Variants in RRM1 observed in about 807,000 individuals in gnomAD.
RRM1 encodes ribonucleoside-diphosphate reductase large subunit.
RRM1 carries 19 observed loss-of-function variants against 101.5 expected under a neutral mutation model. That is an observed-to-expected ratio of 0.19 (90% CI 0.13 to 0.27). The LOEUF (loss-of-function observed/expected upper bound fraction) is 0.27. Among genes scored for constraint, RRM1 ranks in the 10% least tolerant of loss-of-function variants. The pLI is 1.00. For synonymous variants in RRM1, 298 were observed against 323.4 expected (o/e 0.92, Z 0.84); for missense variants, 500 against 962.9 (o/e 0.52, Z 6.36).
In RRM1 at chr11:4,111,643, G is replaced by T; in HGVS notation, c.487+3G>T. 1.2e-6 allele frequency: 2 copies of T among 1,601,636 alleles called. No individual in the cohort carries two copies. Among genetic ancestry groups the T allele is most frequent in the Non-Finnish European group, 1.7e-6 (2 of 1,171,810 alleles). ...TTTGTTGAAGATCAATGGAAAAGGTGAGAAATGAACATGTTTGTCTGTTAC... is the reference window on the plus strand; with the variant it reads ...TTTGTTGAAGATCAATGGAAAAGGTTAGAAATGAACATGTTTGTCTGTTAC... On this transcript the variant is annotated splice_donor_region_variant and intron_variant, in intron 6 of 18. Coordinates refer to ENST00000300738, the MANE Select transcript of RRM1 (RefSeq NM_001033.5).
intron 12 of RRM1, among the ~76,000 whole-genome samples, chr11:4,124,938 CAG>C (rs1016882021): frequency 6.9e-6 from 1 of 145,134 alleles, no homozygotes; most frequent in Non-Finnish European, 1.5e-5. Flanking sequence ...TTTTTTGAGA[CAG>C]AGTCTTGCTC....
chr11:4,120,354 CAT>C (rs1157827843), intron 9 of RRM1, among the ~76,000 whole-genome samples: 2 of 152,004 alleles, frequency 1.3e-5, no homozygotes, highest in African/African-American at 2.4e-5. Context: ...GGGGTTGTAA[CAT>C]GTGCTCTAGG....
intron 18 of RRM1, among the ~76,000 whole-genome samples, chr11:4,135,785 G>A (rs2094608595): frequency 6.6e-6 from 1 of 151,784 alleles, no homozygotes; most frequent in Non-Finnish European, 1.5e-5. Context: ...GTAAAGTCTG[G>A]TGATTTTGGA....
chr11:4,136,638 A>C (rs998495266), intron 18 of RRM1, among the ~76,000 whole-genome samples: 1 of 151,934 alleles, frequency 6.6e-6, no homozygotes, highest in Non-Finnish European at 1.5e-5. Context: ...GCTCACTGCA[A>C]CCTCAGCCTC....
intron 7 of RRM1, among the ~76,000 whole-genome samples, chr11:4,116,741 C>T (rs2094574126): frequency 2.0e-5 from 3 of 151,812 alleles, no homozygotes. Context: ...GAGGCCAAAG[C>T]AAAGGCTGGC....
At chr11:4,134,395 C>A (rs575685327) in intron 17 of RRM1, among the ~76,000 whole-genome samples, 1 of 152,276 alleles carries the variant, frequency 6.6e-6, no homozygotes, top group Admixed American at 6.5e-5. Context: ...TGGTTGACGA[C>A]TGATAGTCCA....
At position 4,126,676 on chromosome 11, in the gene RRM1, C is replaced by T. The variant is rs942615701; in HGVS notation, c.1321-8C>T. The T allele has an allele frequency of 2.3e-5, 36 of 1,597,282 alleles. No individual in the cohort carries two copies. The highest frequency in any genetic ancestry group is 4.1e-5 in the African/African-American group (3 of 74,004). ...TGTGTGATTCTTGACCTGTTTTTTG[C>T]ATTCCAGGTTGCTGTTTGTAATTTG... On this transcript the variant is annotated splice_region_variant and splice_polypyrimidine_tract_variant and intron_variant, in intron 12 of 18. Transcript: ENST00000300738.
chr11:4,138,480 C>A lies in RRM1; in HGVS notation c.*97C>A. 1 of 842,836 alleles carries A rather than the reference C, an allele frequency of 1.2e-6. No individual in the cohort carries two copies. Among genetic ancestry groups the A allele is most frequent in the Non-Finnish European group, 1.7e-6 (1 of 601,964 alleles). 52.2% of individuals were successfully genotyped at this position (842,836 alleles called of 1,614,324 possible). A position where few individuals can be genotyped will look rare whatever the true frequency, so the allele number is the denominator to read the frequency against. ...GTTTGCTTGAGGTGGTAAGGCTTTG[C>A]TGGACCCTGTTGCAGGCAAAAGGAG... On this transcript the variant is annotated 3_prime_UTR_variant, in exon 19 of 19. Coordinates refer to ENST00000300738, the MANE Select transcript of RRM1 (RefSeq NM_001033.5).
intron 12 of RRM1, among the ~76,000 whole-genome samples, chr11:4,126,408 G>T (rs2094589604): frequency 6.6e-6 from 1 of 152,192 alleles, no homozygotes; most frequent in Non-Finnish European, 1.5e-5. Flanking sequence ...TGTGATATAT[G>T]TCTGGTAATA....
intron 17 of RRM1, among the ~76,000 whole-genome samples, chr11:4,133,980 ATTTTT>A (rs34715101): frequency 6.6e-5 from 6 of 90,866 alleles, no homozygotes; most frequent in African/African-American, 9.0e-5. Context: ...CCAGACATCA[ATTTTT>A]TTTTTTTTTT....
At chr11:4,136,844 A>G (rs2094611286) in intron 18 of RRM1, among the ~76,000 whole-genome samples, 1 of 151,664 alleles carries the variant, frequency 6.6e-6, no homozygotes. Flanking sequence ...TCATAGGACA[A>G]TAGTAGAGGG....
intron 3 of RRM1, among the ~76,000 whole-genome samples, chr11:4,107,060 AT>A (rs1385663553): frequency 6.6e-6 from 1 of 151,828 alleles, no homozygotes; most frequent in East Asian, 2.0e-4. Flanking sequence ...CGCCCGGCTA[AT>A]TTTTTGTATT....
chr11:4,100,414 C>T (rs150702583), intron 1 of RRM1, among the ~76,000 whole-genome samples: 3 of 152,112 alleles, frequency 2.0e-5, no homozygotes, highest in South Asian at 4.1e-4. Context: ...TTGGAATATT[C>T]GCATTATACT....
In RRM1 at chr11:4,133,550, CT is replaced by C; in HGVS notation, c.1906-9del. ...TATTTATTTCTTCATACATTTTCTGCTTTTCCATTCAGATTGTAAATCCTCA... is the reference window on the plus strand; with the variant it reads ...TATTTATTTCTTCATACATTTTCTGCTTTCCATTCAGATTGTAAATCCTCA... On this transcript the variant is annotated splice_polypyrimidine_tract_variant and intron_variant, in intron 16 of 18. Transcript: ENST00000300738. 6.5e-7 allele frequency: 1 copy of C among 1,547,510 alleles called. No homozygotes were observed. Among genetic ancestry groups the C allele is most frequent in the Non-Finnish European group, 8.9e-7 (1 of 1,123,676 alleles).
At chr11:4,133,300 C>T (rs2133323694) in intron 16 of RRM1, among the ~76,000 whole-genome samples, 1 of 152,270 alleles carries the variant, frequency 6.6e-6, no homozygotes, top group East Asian at 1.9e-4. Flanking sequence ...CCTCAGCCTC[C>T]TGAGTAGCTG....
At chr11:4,127,327 G>A in intron 14 of RRM1, 71 bp downstream of exon 14, 1 of 920,926 alleles carries the variant, frequency 1.1e-6, no homozygotes, top group Non-Finnish European at 1.6e-6. Flanking sequence ...CCCACAAAAG[G>A]ATATGTCCAC....
intron 18 of RRM1, 27 bp downstream of exon 18, chr11:4,135,297 T>C: frequency 1.3e-6 from 2 of 1,506,162 alleles, no homozygotes; most frequent in Non-Finnish European, 1.8e-6. Context: ...AAGGAGTACT[T>C]AATTGCCAGC....
intron 15 of RRM1, among the ~76,000 whole-genome samples, chr11:4,129,733 G>A (rs968788422): frequency 2.0e-5 from 3 of 151,926 alleles, no homozygotes; most frequent in South Asian, 2.1e-4. Flanking sequence ...GTTTTCTATC[G>A]TGATGACTTT....
chr11:4,094,698 C>G, upstream of RRM1: 1 of 506,232 alleles, frequency 2.0e-6, no homozygotes. Context: ...CTGGGTCTTG[C>G]CCAGACTCAA....
Sources: gnomAD v4.1 joint callset for allele counts (sites outside exome capture counted in the v4.1 genomes callset) on GRCh38, gnomAD v4.1.1 for gene constraint, MANE v1.5 for transcripts, NCBI Gene and HGNC (gene_info 2026-07-23, HGNC 2026-07-21) for gene names.